TENT4B: variants seen among roughly 807,000 people sequenced by gnomAD.
TENT4B encodes terminal nucleotidyltransferase 4B, also known as PAP associated domain containing 5.
TENT4B carries 10 observed loss-of-function variants against 75.0 expected under a neutral mutation model. The observed-to-expected ratio is 0.13, with a 90% CI of 0.08 to 0.23. The LOEUF (loss-of-function observed/expected upper bound fraction) is 0.23. TENT4B is among the 10% of genes least tolerant of loss of function. TENT4B has a pLI of 1.00. For missense variants in TENT4B, 579 were observed against 893.8 expected, an observed-to-expected ratio of 0.65 and a Z score of 4.49; for synonymous variants, 350 against 357.7, an observed-to-expected ratio of 0.98 and a Z score of 0.24.
chr16:50,205,558 CTTTTTTTTTTTTTTTTTTTTTTTTTTTT>C lies in TENT4B; in HGVS notation c.639-5742_639-5715del, dbSNP rs535651074. ...CCTCTGTGTGTATGTGTTTACATGTCTTTTTTTTTTTTTTTTTTTTTTTTTTTTTTTTTTTTTTTTTTTTTTTTTTGAG... is the reference window on the plus strand; with the variant it reads ...CCTCTGTGTGTATGTGTTTACATGTCTTTTTTTTTTTTTTTTTTTTTTGAG... On this transcript the variant is annotated intron_variant, in intron 1 of 11. Transcript: ENST00000561678. Among the ~76,000 whole-genome samples the C allele has an allele frequency of 2.9e-3, 129 of 44,008 alleles. 3 individuals are homozygous for C. The highest frequency in any genetic ancestry group is 0.011 in the African/African-American group (117 of 10,996). The allele number at this position is 44,008 out of a possible 152,430, so 28.9% of individuals were successfully genotyped here.
chr16:50,203,900 C>T (rs1279998962), intron 1 of TENT4B, among the ~76,000 whole-genome samples: 2 of 152,154 alleles, frequency 1.3e-5, no homozygotes, highest in Non-Finnish European at 2.9e-5. Context: ...TGCTCTGCCA[C>T]GGGTAGGCCT....
chr16:50,218,948 A>G (rs1195933707), intron 5 of TENT4B, among the ~76,000 whole-genome samples: 3 of 152,072 alleles, frequency 2.0e-5, no homozygotes, highest in African/African-American at 7.2e-5. Flanking sequence ...TAGCAGCTCT[A>G]AAGTTTCTAT....
At chr16:50,169,461 A>G (rs2038166081) in intron 1 of TENT4B, among the ~76,000 whole-genome samples, 1 of 142,556 alleles carries the variant, frequency 7.0e-6, no homozygotes, top group Non-Finnish European at 1.5e-5. Flanking sequence ...CAGAAGACAC[A>G]TATCTTAATG....
intron 1 of TENT4B, among the ~76,000 whole-genome samples, chr16:50,207,066 CTCTT>C (rs1348838220): frequency 3.4e-5 from 5 of 148,840 alleles, no homozygotes; most frequent in Middle Eastern, 7.1e-3. Context: ...CTCTTGCTCT[CTCTT>C]TTTTTTTTTT....
rs952036867 is a variant in TENT4B at position 50,153,702 on chromosome 16, C to T, written c.81C>T (p.Thr27=). Residue 27 remains threonine, a synonymous_variant, in exon 1 of 12, where the codon ACC becomes ACT. Coordinates refer to ENST00000561678, the MANE Select transcript of TENT4B (RefSeq NM_001365324.3). ...TGTGGATGCAGATCTGGGAGACGACCCAGGGGCTGAGGAACCTCTACTTCA... is the reference window on the plus strand; with the variant it reads ...TGTGGATGCAGATCTGGGAGACGACTCAGGGGCTGAGGAACCTCTACTTCA... ...NSLWMQIWET[T]QGLRNLYFNH... 6 of 1,036,792 alleles carry T rather than the reference C, an allele frequency of 5.8e-6. No homozygotes were observed. The African/African-American group carries it at 1.0e-4, about 18-fold the overall frequency. The allele number at this position is 1,036,792 out of a possible 1,614,324, so 64.2% of individuals were successfully genotyped here. A position where few individuals can be genotyped will look rare whatever the true frequency, so the allele number is the denominator to read the frequency against.
chr16:50,216,239 C>A, intron 4 of TENT4B, 44 bp downstream of exon 4: 2 of 1,605,262 alleles, frequency 1.2e-6, no homozygotes, highest in South Asian at 1.1e-5. Context: ...AGTTATTTAC[C>A]TATGAAACTT....
chr16:50,160,649 T>C (rs1427400466), intron 1 of TENT4B, among the ~76,000 whole-genome samples: 1 of 152,232 alleles, frequency 6.6e-6, no homozygotes, highest in Non-Finnish European at 1.5e-5. Flanking sequence ...CAGATGGTTC[T>C]CACTTGTTCT....
intron 1 of TENT4B, among the ~76,000 whole-genome samples, chr16:50,181,904 T>G (rs1351538899): frequency 6.6e-6 from 1 of 152,180 alleles, no homozygotes; most frequent in East Asian, 1.9e-4. Flanking sequence ...TTAAAAATGC[T>G]AGATTAGGTT....
intron 7 of TENT4B, 108 bp from the exon 8 acceptor site, chr16:50,224,549 A>G: frequency 2.8e-6 from 4 of 1,417,042 alleles, no homozygotes; most frequent in South Asian, 1.3e-5. Context: ...TCCAGGCACA[A>G]CTCTGGTGGG....
chr16:50,213,548 A>G (rs1178402275), intron 2 of TENT4B, among the ~76,000 whole-genome samples: 2 of 152,168 alleles, frequency 1.3e-5, no homozygotes, highest in East Asian at 1.9e-4. Context: ...TTAGTAATCT[A>G]TTCGAAGACT....
At chr16:50,219,197 T>C (rs1423808984) in intron 5 of TENT4B, among the ~76,000 whole-genome samples, 2 of 152,202 alleles carry the variant, frequency 1.3e-5, no homozygotes, top group Admixed American at 6.5e-5. Flanking sequence ...AGAGACAGTG[T>C]AAAGTGAGTC....
chr16:50,198,170 A>G, intron 1 of TENT4B, among the ~76,000 whole-genome samples: 1 of 151,354 alleles, frequency 6.6e-6, no homozygotes. Flanking sequence ...TAATCCTAGC[A>G]CTTTGGGAGG....
In TENT4B at chr16:50,229,217, T is replaced by C; in HGVS notation, c.2031T>C (p.His677=). The change falls in exon 12 of 12, where the codon CAT becomes CAC. Residue 677 remains histidine (H), a synonymous_variant. Transcript: ENST00000561678. ...TCCAAGGTACAACTCAAACAAGCCA[T>C]GGTTCCTTGATGACAAACAAACAAC... ...KGFQGTTQTS[H]GSLMTNKQHQ... The C allele has an allele frequency of 6.2e-7, 1 of 1,609,168 alleles. No homozygotes were observed. Among genetic ancestry groups the C allele is most frequent in the Non-Finnish European group, 8.5e-7 (1 of 1,177,356 alleles).
At chr16:50,224,553 T>C in intron 7 of TENT4B, 104 bp from the exon 8 acceptor site, 2 of 1,439,414 alleles carry the variant, frequency 1.4e-6, no homozygotes, top group Non-Finnish European at 1.9e-6. Flanking sequence ...GGCACAACTC[T>C]GGTGGGATAA....
chr16:50,226,697 T>A (rs1474323904), intron 10 of TENT4B, among the ~76,000 whole-genome samples: 1 of 152,194 alleles, frequency 6.6e-6, no homozygotes. Flanking sequence ...ATTACAGGCG[T>A]GAGCCACCAC....
intron 6 of TENT4B, 145 bp from the exon 7 acceptor site, chr16:50,223,029 C>T: frequency 3.2e-6 from 2 of 623,744 alleles, no homozygotes; most frequent in East Asian, 5.5e-5. Flanking sequence ...AACAGTATAA[C>T]CTGCTGTTAG....
intron 5 of TENT4B, among the ~76,000 whole-genome samples, chr16:50,219,694 C>T (rs2031735450): frequency 6.9e-6 from 1 of 145,256 alleles, no homozygotes; most frequent in South Asian, 2.4e-4. Flanking sequence ...TTTCTTCTCC[C>T]TCCCCCTCTT....
rs2032390779 is a variant in TENT4B at position 50,234,579 on chromosome 16, A to G, written c.*5251A>G. ...ATATGTTGTTTTGTCCCTGAACTTA[A>G]TCTCCTAATTTTAAGATCCTCTCTG... On this transcript the variant is annotated 3_prime_UTR_variant, in exon 12 of 12. Coordinates refer to ENST00000561678, the MANE Select transcript of TENT4B (RefSeq NM_001365324.3). The G allele has an allele frequency of 1.0e-6, 1 of 983,114 alleles. No individual in the cohort carries two copies. The highest frequency in any genetic ancestry group is 1.2e-6 in the Non-Finnish European group (1 of 827,868). The allele number at this position is 983,114 out of a possible 1,614,324, so 60.9% of individuals were successfully genotyped here. A position where few individuals can be genotyped will look rare whatever the true frequency, so the allele number is the denominator to read the frequency against.
At chr16:50,176,819 C>T (rs1487921314) in intron 1 of TENT4B, among the ~76,000 whole-genome samples, 7 of 151,606 alleles carry the variant, frequency 4.6e-5, no homozygotes, top group Admixed American at 1.3e-4. Context: ...TAATTCTTTA[C>T]GTATATTGTT....
Sources: gnomAD v4.1 joint callset for allele counts (sites outside exome capture counted in the v4.1 genomes callset) on GRCh38, gnomAD v4.1.1 for gene constraint, MANE v1.5 for transcripts, NCBI Gene and HGNC (gene_info 2026-07-23, HGNC 2026-07-21) for gene names.